The following LIMA1 variants were observed in gnomAD, a reference collection of about 807,000 sequenced individuals.
The protein encoded by LIMA1 is LIM domain and actin binding 1, also known as LIM domain and actin-binding protein 1.
In LIMA1, 52 loss-of-function variants were observed where a neutral mutation model predicts 62.6. The observed-to-expected ratio is 0.83, with a 90% CI of 0.67 to 1.05. The LOEUF (loss-of-function observed/expected upper bound fraction) is 1.05, where lower values mean the gene tolerates loss of function less well. Among genes scored for constraint, LIMA1 ranks in the 50% least tolerant of loss-of-function variants. The pLI, the probability that LIMA1 is intolerant of heterozygous loss-of-function variation, is 0.00. For missense variants in LIMA1, 780 were observed against 902.2 expected (o/e 0.86, Z 1.74); for synonymous variants, 302 against 317.8 (o/e 0.95, Z 0.53).
chr12:50,207,806 C>T (rs1941179932), intron 4 of LIMA1, among the ~76,000 whole-genome samples: 1 of 150,818 alleles, frequency 6.6e-6, no homozygotes, highest in Non-Finnish European at 1.5e-5. Context: ...GGGAGGATTG[C>T]TTGAACCAGG....
At chr12:50,189,005 T>C (rs937289161) in intron 9 of LIMA1, 1 of 152,164 alleles carries the variant, frequency 6.6e-6, no homozygotes, top group Non-Finnish European at 1.5e-5. Flanking sequence ...GTTTGCTACT[T>C]TGTGAGACTC....
intron 4 of LIMA1, 133 bp downstream of exon 4, chr12:50,221,888 T>G: frequency 2.8e-6 from 2 of 704,028 alleles, no homozygotes; most frequent in South Asian, 3.7e-5. Flanking sequence ...TTGAGACTAT[T>G]AACTTATCTA....
intron 1 of LIMA1, among the ~76,000 whole-genome samples, chr12:50,264,617 A>C (rs950022758): frequency 5.9e-5 from 9 of 152,222 alleles, no homozygotes; most frequent in Non-Finnish European, 1.5e-5. Context: ...ATGTAAAAGG[A>C]AGATGATAAA....
intron 4 of LIMA1, among the ~76,000 whole-genome samples, chr12:50,207,323 T>G (rs982349974): frequency 6.6e-6 from 1 of 152,158 alleles, no homozygotes; most frequent in African/African-American, 2.4e-5. Flanking sequence ...AGTTACAAAT[T>G]ATAATTTTTA....
At chr12:50,245,900 C>G (rs543398509) in intron 2 of LIMA1, among the ~76,000 whole-genome samples, 1 of 151,970 alleles carries the variant, frequency 6.6e-6, no homozygotes, top group Non-Finnish European at 1.5e-5. Flanking sequence ...GAGTAGCAAC[C>G]CTGGCCCCCA....
At position 50,200,803 on chromosome 12, in the gene LIMA1, A is replaced by G. The variant is rs1445315243; in HGVS notation, c.946T>C (p.Cys316Arg). ...TTTTCCCCTTCCTGATGGGTGATGC[A>G]GACCTCAGGACCTGGGGGCACATTC... ...KENVPPGPEVCITHQEGEKIS... is the reference protein window; with the variant it reads ...KENVPPGPEVRITHQEGEKIS... The change falls in exon 7 of 11, where the codon TGC becomes CGC. Residue 316 changes from cysteine (C) to arginine (R), a missense_variant. Physicochemically the swap from Cys to Arg is radical, Grantham distance 180 (BLOSUM62 -3). Transcript: ENST00000341247. 1 of 1,614,156 alleles carries G rather than the reference A, an allele frequency of 6.2e-7. No homozygotes were observed. The highest frequency in any genetic ancestry group is 1.7e-5 in the Admixed American group (1 of 60,020).
Position 50,177,828 on chromosome 12 carries a change from C to G in LIMA1, c.1516G>C (p.Ala506Pro). 1 of 1,613,332 alleles carries G rather than the reference C, an allele frequency of 6.2e-7. No individual in the cohort carries two copies. Among genetic ancestry groups the G allele is most frequent in the Admixed American group, 1.7e-5 (1 of 59,890 alleles). ...GAGGAGGCCTTGGCTTCCATACTTG[C>G]AGCCAGGACACCCACCTTAGCAATA... Reference protein sequence around the residue: ...APIAKVGVLAASMEAKASSQQ... With the variant: ...APIAKVGVLAPSMEAKASSQQ... The change falls in exon 11 of 11, where the codon GCA becomes CCA. Residue 506 changes from alanine (A) to proline (P), a missense_variant. By Grantham distance (27) the Ala-to-Pro change is conservative. Transcript: ENST00000341247.
chr12:50,187,413 G>A (rs1940655217), intron 9 of LIMA1: 2 of 152,188 alleles, frequency 1.3e-5, no homozygotes, highest in African/African-American at 4.8e-5. Flanking sequence ...TCTAGGTAAT[G>A]AAACTGAAAT....
chr12:50,240,056 C>CATAAA (rs147194517), intron 2 of LIMA1, among the ~76,000 whole-genome samples: 25,688 of 110,614 alleles, frequency 0.23, 4,427 homozygotes, highest in South Asian at 0.37. Flanking sequence ...CATAACATAA[C>CATAAA]ATAAAATAAA....
At chr12:50,260,930 CAAAAAA>C (rs34256869) in intron 1 of LIMA1, among the ~76,000 whole-genome samples, 3 of 76,218 alleles carry the variant, frequency 3.9e-5, no homozygotes, top group African/African-American at 1.4e-4. Context: ...TAACTTGCCC[CAAAAAA>C]AAAAAAAAAA....
intron 10 of LIMA1, among the ~76,000 whole-genome samples, chr12:50,178,472 G>A (rs772191140): frequency 1.3e-5 from 2 of 151,736 alleles, no homozygotes; most frequent in Admixed American, 1.3e-4. Flanking sequence ...ACTTGAACCC[G>A]GGAGGCAGAG....
At chr12:50,271,397 C>T (rs1221610373) in intron 1 of LIMA1, among the ~76,000 whole-genome samples, 2 of 152,054 alleles carry the variant, frequency 1.3e-5, no homozygotes, top group African/African-American at 2.4e-5. Context: ...AGTCTAACTC[C>T]ACCTCTCTCC....
intron 3 of LIMA1, among the ~76,000 whole-genome samples, chr12:50,223,549 G>A (rs115847024): frequency 0.011 from 1,611 of 151,866 alleles, 26 homozygotes; most frequent in African/African-American, 0.035. Flanking sequence ...TCCTCTGGTT[G>A]TAAAATATGC....
At position 50,176,827 on chromosome 12, in the gene LIMA1, T is replaced by C. The variant is rs1044370; in HGVS notation, c.*237A>G. ...CCAGTTACAAGCCTTACAGCACTTA[T>C]GCATATCATCACTGCTAAAATGAAG... On this transcript the variant is annotated 3_prime_UTR_variant, in exon 11 of 11. Coordinates refer to ENST00000341247, the MANE Select transcript of LIMA1 (RefSeq NM_016357.5). 146,773 of 421,954 alleles carry C rather than the reference T, an allele frequency of 0.35. 29,036 individuals carry two copies. Among genetic ancestry groups the C allele is most frequent in the Non-Finnish European group, 0.41 (98,270 of 238,608 alleles). The allele number at this position is 421,954 out of a possible 1,614,324, so 26.1% of individuals were successfully genotyped here. A position where few individuals can be genotyped will look rare whatever the true frequency, so the allele number is the denominator to read the frequency against.
At chr12:50,237,224 G>A (rs763351256) in intron 2 of LIMA1, among the ~76,000 whole-genome samples, 83 of 152,186 alleles carry the variant, frequency 5.5e-4, no homozygotes, top group Admixed American at 1.2e-3. Flanking sequence ...GTTAGCAGAG[G>A]AGTGGTAAAT....
At chr12:50,271,092 AAAAC>A (rs900842433) in intron 1 of LIMA1, among the ~76,000 whole-genome samples, 38 of 151,734 alleles carry the variant, frequency 2.5e-4, no homozygotes, top group African/African-American at 8.2e-4. Flanking sequence ...ACTCCGTCTC[AAAAC>A]AAACAAACAA....
intron 8 of LIMA1, among the ~76,000 whole-genome samples, chr12:50,193,808 A>T (rs1258407160): frequency 7.9e-5 from 11 of 139,754 alleles, no homozygotes; most frequent in Non-Finnish European, 1.5e-5. Context: ...GGGACCACAG[A>T]TGCATGCCAC....
intron 1 of LIMA1, among the ~76,000 whole-genome samples, chr12:50,277,411 G>A (rs1200966088): frequency 6.6e-6 from 1 of 152,096 alleles, no homozygotes; most frequent in Non-Finnish European, 1.5e-5. Context: ...TTAGGTGAAA[G>A]GTTAGAGATG....
intron 1 of LIMA1, among the ~76,000 whole-genome samples, chr12:50,254,027 C>CAA (rs376086760): frequency 0.034 from 3,172 of 93,292 alleles, 136 homozygotes; most frequent in African/African-American, 0.085. Context: ...GACTCTGTCT[C>CAA]AAAAAAAAAA....
Sources: allele counts gnomAD v4.1 joint callset (sites outside exome capture counted in the v4.1 genomes callset), GRCh38; gene constraint gnomAD v4.1.1; transcripts MANE v1.5; gene names NCBI Gene and HGNC (gene_info 2026-07-23, HGNC 2026-07-21).